FRMD4A: variants seen among roughly 807,000 people sequenced by gnomAD.
FRMD4A encodes FERM domain containing 4A, also known as FERM domain-containing protein 4A.
Under a neutral mutation model 129.1 loss-of-function variants are expected in FRMD4A, and 29 were observed. The observed-to-expected ratio is 0.22, with a 90% confidence interval of 0.17 to 0.31. FRMD4A has a LOEUF of 0.31. Among genes scored for constraint, FRMD4A ranks in the 10% least tolerant of loss-of-function variants. The pLI is 1.00. For synonymous variants in FRMD4A, 634 were observed against 571.6 expected, an observed-to-expected ratio of 1.11 and a Z score of -1.56; for missense variants, 1,272 against 1,375.8, an observed-to-expected ratio of 0.92 and a Z score of 1.19.
intron 6 of FRMD4A, among the ~76,000 whole-genome samples, chr10:13,779,218 G>A (rs1017747532): frequency 3.9e-5 from 6 of 151,946 alleles, no homozygotes; most frequent in Non-Finnish European, 1.5e-5. Flanking sequence ...TCAGGAGGCC[G>A]AGGCAGAGAA....
intron 2 of FRMD4A, among the ~76,000 whole-genome samples, chr10:13,975,334 G>T (rs1342284765): frequency 2.0e-5 from 3 of 151,338 alleles, no homozygotes; most frequent in Admixed American, 6.6e-5. Flanking sequence ...CTATCTCTGA[G>T]CCTCTATGTA....
At chr10:13,737,787 C>A (rs565781466) in intron 12 of FRMD4A, 57 bp downstream of exon 12, 1 of 940,814 alleles carries the variant, frequency 1.1e-6, no homozygotes, top group South Asian at 1.3e-5. Flanking sequence ...GTGACTCCTA[C>A]GCCTGTTCCT....
intron 2 of FRMD4A, among the ~76,000 whole-genome samples, chr10:14,235,721 A>T (rs1286172191): frequency 6.6e-6 from 1 of 152,206 alleles, no homozygotes; most frequent in African/African-American, 2.4e-5. Flanking sequence ...CCGTCACAAA[A>T]ATCAGCATAG....
intron 2 of FRMD4A, among the ~76,000 whole-genome samples, chr10:13,975,421 C>A (rs1565146616): frequency 6.6e-6 from 1 of 150,986 alleles, no homozygotes; most frequent in Non-Finnish European, 1.5e-5. Flanking sequence ...GCATATGTGT[C>A]TGTGCGTATG....
chr10:14,196,080 T>G (rs913247226), intron 2 of FRMD4A, among the ~76,000 whole-genome samples: 2 of 152,038 alleles, frequency 1.3e-5, no homozygotes, highest in South Asian at 2.1e-4. Context: ...AAAAACAAAT[T>G]CTGATTCCCA....
At chr10:14,189,917 TTCTA>T (rs771178022) in intron 2 of FRMD4A, among the ~76,000 whole-genome samples, 1 of 152,108 alleles carries the variant, frequency 6.6e-6, no homozygotes, top group Non-Finnish European at 1.5e-5. Flanking sequence ...CAGGAGAGAT[TTCTA>T]TCTATCTTAA....
chr10:13,804,770 G>A (rs903044928), intron 4 of FRMD4A, among the ~76,000 whole-genome samples: 1 of 147,778 alleles, frequency 6.8e-6, no homozygotes, highest in Admixed American at 6.9e-5. Context: ...ATGTTGGCCA[G>A]GATGGTCTTG....
intron 6 of FRMD4A, among the ~76,000 whole-genome samples, chr10:13,775,724 G>C (rs1204242104): frequency 6.6e-6 from 1 of 152,198 alleles, no homozygotes; most frequent in Non-Finnish European, 1.5e-5. Flanking sequence ...GCAGGAGGTT[G>C]GAGGAGTCTA....
chr10:13,936,485 TG>T (rs2095250172), intron 2 of FRMD4A, among the ~76,000 whole-genome samples: 1 of 151,760 alleles, frequency 6.6e-6, no homozygotes, highest in South Asian at 2.1e-4. Flanking sequence ...CTTTGGGAGG[TG>T]ATTAGGTCAT....
rs1844579832 is a variant in FRMD4A at position 14,255,546 on chromosome 10, AG to A, written c.45+74511del. ...CAGAGTTTCAGAGACCAATGCAGCA[AG>A]GGCAGGAGACAATCAGATGAGCACA... is the stretch of plus-strand genomic sequence containing the variant. On this transcript the variant is annotated intron_variant, in intron 2 of 24. Transcript: ENST00000357447. 3.9e-5 allele frequency among the ~76,000 whole-genome samples: 6 copies of A among 152,218 alleles called. No individual in the cohort carries two copies. In the South Asian group the frequency reaches 1.2e-3, roughly 31 times the overall value.
At chr10:13,918,584 A>C (rs575634906) in intron 2 of FRMD4A, among the ~76,000 whole-genome samples, 2 of 152,208 alleles carry the variant, frequency 1.3e-5, no homozygotes, top group East Asian at 3.9e-4. Context: ...GCTGGAGTGC[A>C]GTGGTGTGAT....
At chr10:14,113,717 A>T (rs1307929102) in intron 2 of FRMD4A, among the ~76,000 whole-genome samples, 1 of 152,168 alleles carries the variant, frequency 6.6e-6, no homozygotes, top group African/African-American at 2.4e-5. Context: ...CTATTTAGTA[A>T]CACTCTAATT....
intron 2 of FRMD4A, among the ~76,000 whole-genome samples, chr10:14,140,963 A>G (rs1422417147): frequency 6.6e-6 from 1 of 152,064 alleles, no homozygotes; most frequent in Admixed American, 6.6e-5. Context: ...GCAATTGTAG[A>G]AGGACAGCAG....
chr10:13,739,157 T>C (rs2090841350), intron 11 of FRMD4A, among the ~76,000 whole-genome samples: 1 of 152,222 alleles, frequency 6.6e-6, no homozygotes, highest in African/African-American at 2.4e-5. Context: ...GCGTGAGTTA[T>C]TTCAAGATGA....
intron 2 of FRMD4A, among the ~76,000 whole-genome samples, chr10:14,278,295 C>T (rs1845408507): frequency 6.6e-6 from 1 of 152,158 alleles, no homozygotes; most frequent in Admixed American, 6.5e-5. Context: ...TCCACCCTAC[C>T]CTTGTTCTCC....
chr10:13,668,867 T>C (rs2083275991), intron 17 of FRMD4A, among the ~76,000 whole-genome samples: 1 of 152,158 alleles, frequency 6.6e-6, no homozygotes, highest in Admixed American at 6.6e-5. Flanking sequence ...CTGCAGTTCC[T>C]GCCTACGGTG....
At chr10:14,293,316 G>A (rs10796177) in intron 2 of FRMD4A, among the ~76,000 whole-genome samples, 48,496 of 151,622 alleles carry the variant, frequency 0.32, 8,024 homozygotes, top group Middle Eastern at 0.37. Flanking sequence ...ACAGGATGAT[G>A]CAACACAAAG....
At chr10:13,753,499 G>A (rs2091723153) in intron 8 of FRMD4A, among the ~76,000 whole-genome samples, 1 of 151,952 alleles carries the variant, frequency 6.6e-6, no homozygotes, top group South Asian at 2.1e-4. Context: ...CTGTTTGTTG[G>A]GGGCAACATT....
intron 2 of FRMD4A, among the ~76,000 whole-genome samples, chr10:14,182,414 G>A (rs1841942602): frequency 6.6e-6 from 1 of 152,202 alleles, no homozygotes; most frequent in African/African-American, 2.4e-5. Context: ...AGGCAAGGTG[G>A]CACATGCCTA....
Sources: allele counts gnomAD v4.1 joint callset (sites outside exome capture counted in the v4.1 genomes callset), GRCh38; gene constraint gnomAD v4.1.1; transcripts MANE v1.5; gene names NCBI Gene and HGNC (gene_info 2026-07-23, HGNC 2026-07-21).